AKR1C1: variants seen among roughly 807,000 people sequenced by gnomAD.
The protein encoded by AKR1C1 is aldo-keto reductase family 1 member C1.
A neutral mutation model predicts 40.6 loss-of-function variants in AKR1C1; 32 were observed. The ratio of observed to expected loss-of-function variants is 0.79; its 90% CI spans 0.60 to 1.06. AKR1C1 has a LOEUF of 1.06. Among genes scored for constraint, AKR1C1 ranks in the 50% least tolerant of loss-of-function variants. The pLI is 0.00. For missense variants in AKR1C1, 320 were observed against 363.5 expected (o/e 0.88, Z 0.97); for synonymous variants, 105 against 134.2 (o/e 0.78, Z 1.50).
intron 2 of AKR1C1, among the ~76,000 whole-genome samples, chr10:4,966,332 A>G (rs1304966709): frequency 6.6e-6 from 1 of 152,250 alleles, no homozygotes; most frequent in Non-Finnish European, 1.5e-5. Context: ...ATATGGTTTA[A>G]CATAGACTAT....
chr10:4,977,890 GC>G lies in AKR1C1; in HGVS notation c.*150del. The stretch of plus-strand genomic sequence containing the variant: ...CAGCAAGCTACAGCAAAGCCCATTG[GC>G]CAGAAAGGAAAGACAATAATTTTGT... On this transcript the variant is annotated 3_prime_UTR_variant, in exon 9 of 9. Transcript: ENST00000380872. The G allele has an allele frequency of 8.3e-7, 1 of 1,209,850 alleles. No individual in the cohort carries two copies. The highest frequency in any genetic ancestry group is 1.2e-6 in the Non-Finnish European group (1 of 868,114). 74.9% of individuals were successfully genotyped at this position (1,209,850 alleles called of 1,614,324 possible). A position where few individuals can be genotyped will look rare whatever the true frequency, so the allele number is the denominator to read the frequency against.
At position 4,980,826 on chromosome 10, in the gene AKR1C1, G is replaced by A. The variant is rs1836603684; in HGVS notation, c.*3084G>A. The A allele has an allele frequency of 6.6e-6, 1 of 152,116 alleles. No individual in the cohort carries two copies. Among genetic ancestry groups the A allele is most frequent in the Non-Finnish European group, 1.5e-5 (1 of 68,022 alleles). The allele number at this position is 152,116 out of a possible 1,614,324, so 9.4% of individuals were successfully genotyped here. A position where few individuals can be genotyped will look rare whatever the true frequency, so the allele number is the denominator to read the frequency against. On this transcript the variant is annotated 3_prime_UTR_variant, in exon 9 of 9. Coordinates refer to ENST00000380872, the MANE Select transcript of AKR1C1 (RefSeq NM_001353.6). The stretch of plus-strand genomic sequence containing the variant: ...AGTAAATGTTTTGCCCTCCTGTCAC[G>A]AATCATGAATGTTTTTAATGGCATC...
Position 4,980,351 on chromosome 10 carries a change from CA to C in AKR1C1, c.*2610del, listed in dbSNP as rs1390523728. On this transcript the variant is annotated 3_prime_UTR_variant, in exon 9 of 9. Transcript: ENST00000380872. ...CCTGGTAGGAAAACATTGAAAATGG[CA>C]CAAGTGACTCCTTCCCTGTCACCAA... 6.9e-6 allele frequency: 1 copy of C among 144,294 alleles called. No homozygotes were observed. The highest frequency in any genetic ancestry group is 1.5e-5 in the Non-Finnish European group (1 of 66,078). 8.9% of individuals were successfully genotyped at this position (144,294 alleles called of 1,614,324 possible). A position where few individuals can be genotyped will look rare whatever the true frequency, so the allele number is the denominator to read the frequency against.
chr10:4,966,122 T>A (rs1386106617), intron 2 of AKR1C1, 41 bp downstream of exon 2: 2 of 1,585,524 alleles, frequency 1.3e-6, no homozygotes, highest in Non-Finnish European at 1.7e-6. Flanking sequence ...ATGTATTTAT[T>A]GTGATTGTGT....
intron 3 of AKR1C1, chr10:4,967,723 G>A (rs1304110089): frequency 1.6e-6 from 1 of 627,156 alleles, no homozygotes; most frequent in Non-Finnish European, 2.0e-6. Flanking sequence ...CCTTATCTCT[G>A]CTTTATTACA....
At chr10:4,970,153 C>G (rs1197907806) in intron 5 of AKR1C1, among the ~76,000 whole-genome samples, 3 of 151,796 alleles carry the variant, frequency 2.0e-5, no homozygotes, top group Non-Finnish European at 4.4e-5. Context: ...GACAATTGAC[C>G]CCTAGAGACC....
chr10:4,966,061 G>C lies in AKR1C1; in HGVS notation c.232G>C (p.Asp78His). 1 of 1,613,880 alleles carries C rather than the reference G, an allele frequency of 6.2e-7. No homozygotes were observed. The highest frequency in any genetic ancestry group is 8.5e-7 in the Non-Finnish European group (1 of 1,179,888). ...TGCAGATGGCAGTGTGAAGAGAGAA[G>C]ACATATTCTACACTTCAAAGGTACT... ...KIADGSVKRE[D>H]IFYTSKLWCN... is the part of the protein sequence containing the mutation. The change falls in exon 2 of 9, where the codon GAC (aspartate) becomes CAC (histidine). Residue 78 changes from aspartate (D) to histidine (H), a missense_variant. Around this residue, in one of 3 missense-constraint regions of AKR1C1, gnomAD observed 214 missense variants for 214.8 expected, o/e 1.00. Coordinates refer to ENST00000380872, the MANE Select transcript of AKR1C1 (RefSeq NM_001353.6).
At chr10:4,976,409 G>A (rs1185245187) in intron 8 of AKR1C1, among the ~76,000 whole-genome samples, 1 of 151,936 alleles carries the variant, frequency 6.6e-6, no homozygotes, top group Non-Finnish European at 1.5e-5. Flanking sequence ...TTGCTTGCTG[G>A]ATCCTGTCGA....
rs778903438 is a variant in AKR1C1, at chr10:4,967,024, A to G, written c.350A>G (p.His117Arg). 1 of 1,613,606 alleles carries G rather than the reference A, an allele frequency of 6.2e-7. No individual in the cohort carries two copies. Among genetic ancestry groups the G allele is most frequent in the Non-Finnish European group, 8.5e-7 (1 of 1,179,740 alleles). The change falls in exon 3 of 9, where the codon CAT (histidine) becomes CGT (arginine). Residue 117 changes from histidine (H) to arginine (R), a missense_variant. Physicochemically the swap from His to Arg is conservative, Grantham distance 29 (BLOSUM62 0). This residue lies in a region of AKR1C1 where 214 missense variants were observed against 214.8 expected (regional missense o/e 1.00). Transcript: ENST00000380872. ...QLDYVDLYLI[H>R]FPVSVKPGEE... ...GATTATGTTGACCTCTACCTTATTC[A>G]TTTTCCAGTGTCTGTAAAGGTAGGC...
intron 7 of AKR1C1, among the ~76,000 whole-genome samples, chr10:4,974,080 C>A (rs1484386693): frequency 6.0e-5 from 9 of 150,954 alleles, no homozygotes; most frequent in African/African-American, 1.9e-4. Flanking sequence ...TAAAAAATGA[C>A]AATGAAACAA....
chr10:4,969,479 TC>T (rs891141836), intron 5 of AKR1C1, among the ~76,000 whole-genome samples: 29 of 149,758 alleles, frequency 1.9e-4, no homozygotes, highest in Admixed American at 1.5e-3. Flanking sequence ...ATGAAGGTCA[TC>T]CATGGTAGAA....
In AKR1C1 at chr10:4,963,452, C is replaced by T. The variant is rs771188283; in HGVS notation, c.8C>T (p.Ser3Leu). MD[S>L]KYQCVKLNDG... is the part of the protein sequence containing the mutation. ...GCCAGGCTAGTGACAGAAATGGATT[C>T]GAAATATCAGTGTGTGAAGCTGAAT... The change falls in exon 1 of 9, where the codon TCG (serine) becomes TTG (leucine). Residue 3 changes from serine (S) to leucine (L), a missense_variant. Physicochemically the swap from Ser to Leu is moderately radical, Grantham distance 145. Coordinates refer to ENST00000380872, the MANE Select transcript of AKR1C1 (RefSeq NM_001353.6). The T allele has an allele frequency of 2.9e-5, 46 of 1,613,872 alleles. No homozygotes were observed. Among genetic ancestry groups the T allele is most frequent in the South Asian group, 6.6e-5 (6 of 91,064 alleles).
Position 4,981,763 on chromosome 10 carries a change from C to A in AKR1C1, c.*4021C>A, listed in dbSNP as rs1433446012. On this transcript the variant is annotated 3_prime_UTR_variant, in exon 9 of 9. Coordinates refer to ENST00000380872, the MANE Select transcript of AKR1C1 (RefSeq NM_001353.6). Reference sequence around the variant, plus strand: ...GCTTTGATCCTGTGCGGACAAGTGCCTTGAGCAGAATCCACAGGGGAGAGC... The same window carrying A: ...GCTTTGATCCTGTGCGGACAAGTGCATTGAGCAGAATCCACAGGGGAGAGC... The A allele has an allele frequency of 6.6e-6, 1 of 151,966 alleles. No homozygotes were observed. Among genetic ancestry groups the A allele is most frequent in the Non-Finnish European group, 1.5e-5 (1 of 67,906 alleles). The allele number at this position is 151,966 out of a possible 1,614,324, so 9.4% of individuals were successfully genotyped here.
Position 4,969,577 on chromosome 10 carries a change from C to A in AKR1C1, c.570+633C>A, listed in dbSNP as rs1383939313. 3.6e-6 allele frequency: 5 copies of A among 1,386,512 alleles called. No homozygotes were observed. In the African/African-American group the frequency reaches 7.1e-5, roughly 20 times the overall value. 85.9% of individuals were successfully genotyped at this position (1,386,512 alleles called of 1,614,324 possible). On this transcript the variant is annotated intron_variant, in intron 5 of 8. Transcript: ENST00000380872. ...AGGTTCAGCAGAACATGGAGCTGAC[C>A]TATGACTGCCCCCGCTCCTAGTTGG...
intron 5 of AKR1C1, among the ~76,000 whole-genome samples, chr10:4,971,742 G>A (rs1809242356): frequency 6.6e-6 from 1 of 151,228 alleles, no homozygotes; most frequent in African/African-American, 2.4e-5. Context: ...ATCATAGATG[G>A]CATATATGAT....
At chr10:4,965,773 AC>A (rs1836321217) in intron 1 of AKR1C1, 140 bp from the exon 2 acceptor site, 5 of 949,622 alleles carry the variant, frequency 5.3e-6, no homozygotes, top group Non-Finnish European at 6.1e-6. Flanking sequence ...ACCCAGGGAG[AC>A]TGGGATGGGC....
chr10:4,963,696 G>A, intron 1 of AKR1C1, 168 bp downstream of exon 1: 1 of 741,454 alleles, frequency 1.3e-6, no homozygotes, highest in Non-Finnish European at 2.4e-6. Flanking sequence ...GCTTATTTGT[G>A]GCACTGTTTT....
At position 4,979,587 on chromosome 10, in the gene AKR1C1, C is replaced by T. The variant is rs1398376850; in HGVS notation, c.*1845C>T. On this transcript the variant is annotated 3_prime_UTR_variant, in exon 9 of 9. Transcript: ENST00000380872. ...AGTGTGTAACGCTTAAGCAAACTTT[C>T]ATATTTCAAATCTCTTTAGCAAGTG... is the stretch of plus-strand genomic sequence containing the variant. 3 of 152,154 alleles carry T rather than the reference C, an allele frequency of 2.0e-5. No individual in the cohort carries two copies. The East Asian group carries it at 5.8e-4, about 29-fold the overall frequency. The allele number at this position is 152,154 out of a possible 1,614,324, so 9.4% of individuals were successfully genotyped here. A position where few individuals can be genotyped will look rare whatever the true frequency, so the allele number is the denominator to read the frequency against.
rs1415762151 is a variant in AKR1C1, at chr10:4,971,549, T to A, written c.571-652T>A. ...AAATATATATGAAAGAAGAATGTGA[T>A]CAAAGACTCATGAGGGCAAGTGTAA... On this transcript the variant is annotated intron_variant, in intron 5 of 8. Coordinates refer to ENST00000380872, the MANE Select transcript of AKR1C1 (RefSeq NM_001353.6). Among the ~76,000 whole-genome samples the A allele has an allele frequency of 6.1e-5, 9 of 147,362 alleles. No homozygotes were observed. In the East Asian group the frequency reaches 1.6e-3, roughly 26 times the overall value.
Sources: gnomAD v4.1 joint callset for allele counts (sites outside exome capture counted in the v4.1 genomes callset) on GRCh38, gnomAD v4.1.1 for gene constraint, gnomAD v4.1.1 regional missense constraint, MANE v1.5 for transcripts, NCBI Gene and HGNC (gene_info 2026-07-23, HGNC 2026-07-21) for gene names.